Variants in CKM observed in about 807,000 individuals in gnomAD.
CKM encodes the protein creatine kinase M-type.
A neutral mutation model predicts 35.4 loss-of-function variants in CKM; 28 were observed. That is an observed-to-expected ratio of 0.79 (90% CI 0.59 to 1.08). The LOEUF is 1.08. CKM is among the 50% of genes least tolerant of loss of function. The pLI, the probability that CKM is intolerant of heterozygous loss-of-function variation, is 0.00. For synonymous variants in CKM, 215 were observed against 204.4 expected (o/e 1.05, Z -0.44); for missense variants, 484 against 509.8 (o/e 0.95, Z 0.49).
intron 1 of CKM, among the ~76,000 whole-genome samples, chr19:45,321,395 G>C (rs2123147965): frequency 6.6e-6 from 1 of 152,242 alleles, no homozygotes; most frequent in South Asian, 2.1e-4. Context: ...GGGAAGAAAA[G>C]CTCAGCCTCT....
chr19:45,314,997 C>T (rs1373245674), intron 4 of CKM, among the ~76,000 whole-genome samples: 1 of 151,994 alleles, frequency 6.6e-6, no homozygotes, highest in East Asian at 1.9e-4. Flanking sequence ...CCACTGTGCC[C>T]GGCCTCAACT....
Position 45,307,467 on chromosome 19 carries a change from C to T in CKM, c.961G>A (p.Gly321Ser). 2.5e-6 allele frequency: 4 copies of T among 1,613,860 alleles called. No individual in the cohort carries two copies. Among genetic ancestry groups the T allele is most frequent in the South Asian group, 1.1e-5 (1 of 91,046 alleles). ...AAGGATGTGGGAGCCGTACCTGTAC[C>T]CCTCTTCTGCAGACGCAGGCGGGTG... is the stretch of plus-strand genomic sequence containing the variant. ...ILTRLRLQKR[G>S]TGGVDTAAVG... is the part of the protein sequence containing the mutation. Residue 321 changes from glycine (G) to serine (S), a missense_variant, in exon 7 of 8, where the codon GGT becomes AGT. Coordinates refer to ENST00000221476, the MANE Select transcript of CKM (RefSeq NM_001824.5).
chr19:45,315,377 G>T lies in CKM; in HGVS notation c.481+88C>A, dbSNP rs191986163. ...AGCTCTTCCCCTACTTTGAAAAGCG[G>T]GGGCCCAAAGAGACCCGAGGACCTG... On this transcript the variant is annotated intron_variant, in intron 4 of 7. Coordinates refer to ENST00000221476, the MANE Select transcript of CKM (RefSeq NM_001824.5). 284 of 1,465,952 alleles carry T rather than the reference G, an allele frequency of 1.9e-4. No homozygotes were observed. In the African/African-American group the frequency reaches 3.8e-3, roughly 20 times the overall value. The allele number at this position is 1,465,952 out of a possible 1,614,324, so 90.8% of individuals were successfully genotyped here.
At chr19:45,307,867 T>G (rs888513271) in intron 6 of CKM, among the ~76,000 whole-genome samples, 8 of 56,364 alleles carry the variant, frequency 1.4e-4, no homozygotes, top group Non-Finnish European at 2.4e-4. Context: ...TGAAGGCGGG[T>G]TTTTTTTTTT....
At chr19:45,310,658 A>C (rs1437957496) in intron 5 of CKM, among the ~76,000 whole-genome samples, 1 of 150,470 alleles carries the variant, frequency 6.6e-6, no homozygotes. Flanking sequence ...GCTGGAGTGC[A>C]GTACCTCGGT....
chr19:45,311,263 TG>T (rs990896865), intron 5 of CKM, among the ~76,000 whole-genome samples: 2 of 145,912 alleles, frequency 1.4e-5, no homozygotes, highest in Admixed American at 6.8e-5. Context: ...TGAGACAGTC[TG>T]GCTCTGTCGC....
At chr19:45,312,357 GGC>G in intron 4 of CKM, among the ~76,000 whole-genome samples, 1 of 152,166 alleles carries the variant, frequency 6.6e-6, no homozygotes, top group African/African-American at 2.4e-5. Flanking sequence ...GGGAGGCTGA[GGC>G]AGGAGGATCA....
Position 45,319,633 on chromosome 19 carries a change from G to C in CKM, c.81C>G (p.Asn27Lys), listed in dbSNP as rs1471374770. 6.2e-7 allele frequency: 1 copy of C among 1,614,178 alleles called. No individual in the cohort carries two copies. The highest frequency in any genetic ancestry group is 8.5e-7 in the Non-Finnish European group (1 of 1,180,032). Reference protein sequence around the residue: ...EEEYPDLSKHNNHMAKVLTLE... With the variant: ...EEEYPDLSKHKNHMAKVLTLE... ...GGGTCAGTACCTTGGCCATGTGGTT[G>C]TTATGTTTGCTGAGGTCGGGGTACT... Residue 27 changes from asparagine to lysine, a missense_variant, in exon 2 of 8, where the codon AAC becomes AAG. Physicochemically the swap from Asn to Lys is moderately conservative, Grantham distance 94 (BLOSUM62 0). Coordinates refer to ENST00000221476, the MANE Select transcript of CKM (RefSeq NM_001824.5).
chr19:45,319,730 A>G lies in CKM; in HGVS notation c.-17T>C, dbSNP rs1454175043. ...GAATGGCATGGTGGCGGTGTAGGAG[A>G]CCTGATGGGCAGGGCAGGAGGGGAA... On this transcript the variant is annotated splice_region_variant and 5_prime_UTR_variant, in exon 2 of 8. Transcript: ENST00000221476. 1.9e-6 allele frequency: 3 copies of G among 1,612,552 alleles called. No individual in the cohort carries two copies. The Admixed American group carries it at 5.0e-5, about 27-fold the overall frequency.
intron 1 of CKM, among the ~76,000 whole-genome samples, 161 bp from the exon 2 acceptor site, chr19:45,319,892 A>G (rs1348038652): frequency 2.0e-5 from 3 of 149,180 alleles, no homozygotes; most frequent in Admixed American, 1.3e-4. Context: ...CTGGGTTCAC[A>G]CCATTCTCCC....
At chr19:45,310,163 C>T (rs1425493254) in intron 5 of CKM, among the ~76,000 whole-genome samples, 3 of 142,632 alleles carry the variant, frequency 2.1e-5, no homozygotes, top group East Asian at 4.0e-4. Flanking sequence ...GTCTGTCGCC[C>T]AGGCTGGAGT....
In CKM at chr19:45,319,686, A is replaced by G; in HGVS notation, c.28T>C (p.Phe10Leu). 6.2e-7 allele frequency: 1 copy of G among 1,614,094 alleles called. No individual in the cohort carries two copies. MPFGNTHNK[F>L]KLNYKPEEEY... ...TCCTCAGGCTTGTAATTCAGCTTGA[A>G]CTTGTTGTGGGTGTTACCGAATGGC... The change falls in exon 2 of 8, where the codon TTC (phenylalanine) becomes CTC (leucine). Residue 10 changes from phenylalanine to leucine, a missense_variant. Coordinates refer to ENST00000221476, the MANE Select transcript of CKM (RefSeq NM_001824.5).
chr19:45,318,586 C>T (rs1441569396), intron 2 of CKM, among the ~76,000 whole-genome samples: 2 of 151,850 alleles, frequency 1.3e-5, no homozygotes, highest in Admixed American at 6.6e-5. Flanking sequence ...ATCAGCACCT[C>T]GGAAACATTA....
chr19:45,317,679 C>T (rs1971171851), intron 3 of CKM, 146 bp downstream of exon 3: 2 of 918,188 alleles, frequency 2.2e-6, no homozygotes, highest in Admixed American at 4.1e-5. Flanking sequence ...GCCTCAGCCT[C>T]CCAATGTCCC....
intron 5 of CKM, among the ~76,000 whole-genome samples, chr19:45,308,837 A>G (rs1971080334): frequency 6.6e-6 from 1 of 152,172 alleles, no homozygotes; most frequent in African/African-American, 2.4e-5. Context: ...AACTGATAAC[A>G]CTTGGTAATC....
intron 2 of CKM, among the ~76,000 whole-genome samples, chr19:45,318,863 C>CTTT (rs112676432): frequency 4.9e-5 from 7 of 141,882 alleles, no homozygotes; most frequent in African/African-American, 1.8e-4. Flanking sequence ...CTGTCAGATT[C>CTTT]TTTTTTTTTT....
chr19:45,316,538 A>G (rs1272862145), intron 3 of CKM, among the ~76,000 whole-genome samples: 1 of 150,756 alleles, frequency 6.6e-6, no homozygotes. Flanking sequence ...CTGGTCGTGA[A>G]CTCTCCTGGC....
chr19:45,318,443 T>C (rs1416565025), intron 2 of CKM, among the ~76,000 whole-genome samples: 1 of 147,440 alleles, frequency 6.8e-6, no homozygotes, highest in South Asian at 2.2e-4. Context: ...CACTGAGGAC[T>C]GGTGGGAACT....
chr19:45,311,760 G>C lies in CKM; in HGVS notation c.642C>G (p.Ala214=). The C allele has an allele frequency of 6.3e-7, 1 of 1,586,320 alleles. No individual in the cohort carries two copies. ...GGGAGGGGCCTCACCAGATGCCACG[G>C]GCGTCGGGCCAGTCGCGGGCCATGC... ...ASGMARDWPD[A]RGIWHNDNKS... is the part of the protein sequence containing the mutation. The change falls in exon 5 of 8, where the codon GCC becomes GCG. Residue 214 remains alanine (A), a synonymous_variant. Coordinates refer to ENST00000221476, the MANE Select transcript of CKM (RefSeq NM_001824.5).
Sources: allele counts gnomAD v4.1 joint callset (sites outside exome capture counted in the v4.1 genomes callset), GRCh38; gene constraint gnomAD v4.1.1; transcripts MANE v1.5; gene names NCBI Gene and HGNC (gene_info 2026-07-23, HGNC 2026-07-21).